IL1RAPL1: variants seen among roughly 807,000 people sequenced by gnomAD.
IL1RAPL1 encodes the protein interleukin-1 receptor accessory protein-like 1.
IL1RAPL1 carries 3 observed loss-of-function variants against 48.4 expected under a neutral mutation model. The observed-to-expected ratio is 0.06, with a 90% CI of 0.03 to 0.16. The LOEUF (loss-of-function observed/expected upper bound fraction) is 0.16. Among genes scored for constraint, IL1RAPL1 ranks in the 10% least tolerant of loss-of-function variants. The pLI is 1.00. For missense variants in IL1RAPL1, 349 were observed against 530.6 expected (o/e 0.66, Z 3.36); for synonymous variants, 185 against 187.7 (o/e 0.99, Z 0.12).
At chrX:29,028,481 T>G (rs1261028688) in intron 2 of IL1RAPL1, among the ~76,000 whole-genome samples, 1 of 108,897 alleles carries the variant, frequency 9.2e-6, no homozygotes, top group Non-Finnish European at 1.9e-5. Context: ...AGAGACGGGG[T>G]TTCACCATGT....
At chrX:29,708,450 T>C (rs1927257589) in intron 6 of IL1RAPL1, among the ~76,000 whole-genome samples, 1 of 112,196 alleles carries the variant, frequency 8.9e-6, no homozygotes, top group Non-Finnish European at 1.9e-5. Flanking sequence ...TCAACTGTTT[T>C]AGATTCTGTG....
intron 6 of IL1RAPL1, among the ~76,000 whole-genome samples, chrX:29,801,277 T>G (rs1483575036): frequency 1.8e-5 from 2 of 110,436 alleles, no homozygotes; most frequent in East Asian, 5.7e-4. Flanking sequence ...TTAACACAAT[T>G]TTGTTCTGAA....
At position 28,634,561 on chromosome X, in the gene IL1RAPL1, C is replaced by A. The variant is rs755152699; in HGVS notation, c.-25+46514C>A. Reference sequence around the variant, plus strand: ...GTCATAAATACTGTTTTTATTTTCCCCAACTCCTGCCAGGTTGAATTTCAG... The same window carrying A: ...GTCATAAATACTGTTTTTATTTTCCACAACTCCTGCCAGGTTGAATTTCAG... On this transcript the variant is annotated intron_variant, in intron 1 of 10. Transcript: ENST00000378993. Among the ~76,000 whole-genome samples the A allele has an allele frequency of 5.5e-5, 6 of 109,108 alleles. No homozygotes were observed. The East Asian group carries it at 1.7e-3, about 31-fold the overall frequency. 94.7% of individuals were successfully genotyped at this position (109,108 alleles called of 115,157 possible). A position where few individuals can be genotyped will look rare whatever the true frequency, so the allele number is the denominator to read the frequency against.
chrX:29,626,420 A>G (rs972093141), intron 5 of IL1RAPL1, among the ~76,000 whole-genome samples: 1 of 111,635 alleles, frequency 9.0e-6, no homozygotes, highest in African/African-American at 3.3e-5. Context: ...CCACATTTTT[A>G]CAAGGTGACC....
chrX:29,580,521 A>G (rs905070887), intron 5 of IL1RAPL1, among the ~76,000 whole-genome samples: 4 of 111,762 alleles, frequency 3.6e-5, no homozygotes, highest in Non-Finnish European at 7.5e-5. Context: ...TTATTGCTGC[A>G]TAATAAACTA....
At chrX:29,428,511 C>A (rs1302452856) in intron 5 of IL1RAPL1, among the ~76,000 whole-genome samples, 1 of 109,843 alleles carries the variant, frequency 9.1e-6, no homozygotes, top group African/African-American at 3.3e-5. Context: ...CCGACTGGAA[C>A]TATCATCACA....
intron 2 of IL1RAPL1, among the ~76,000 whole-genome samples, chrX:29,037,243 A>G (rs1500725): frequency 0.2 from 22,675 of 111,251 alleles, 1,794 homozygotes; most frequent in Non-Finnish European, 0.24. Context: ...GCAATTCACT[A>G]GTCTTACCTC....
intron 3 of IL1RAPL1, among the ~76,000 whole-genome samples, chrX:29,291,965 C>A (rs1932377807): frequency 8.9e-6 from 1 of 111,803 alleles, no homozygotes; most frequent in African/African-American, 3.2e-5. Context: ...GCCTCATAGA[C>A]CCTCCTAGCT....
chrX:28,744,474 C>G (rs1342416376), intron 1 of IL1RAPL1, among the ~76,000 whole-genome samples: 1 of 111,522 alleles, frequency 9.0e-6, no homozygotes, highest in Non-Finnish European at 1.9e-5. Flanking sequence ...ACATTCCTGT[C>G]AAAGCATATG....
intron 2 of IL1RAPL1, among the ~76,000 whole-genome samples, chrX:28,926,456 T>C (rs931030025): frequency 9.0e-6 from 1 of 110,543 alleles, no homozygotes; most frequent in Non-Finnish European, 1.9e-5. Context: ...ATTATTGATA[T>C]GGCACTGTAC....
chrX:29,428,858 C>T (rs1934381182), intron 5 of IL1RAPL1, among the ~76,000 whole-genome samples: 2 of 111,698 alleles, frequency 1.8e-5, no homozygotes, highest in Non-Finnish European at 3.8e-5. Context: ...AGCCCCCACT[C>T]ATACCCCTTA....
At chrX:29,393,586 AACAG>A (rs1933885524) in intron 3 of IL1RAPL1, among the ~76,000 whole-genome samples, 1 of 111,606 alleles carries the variant, frequency 9.0e-6, no homozygotes, top group African/African-American at 3.3e-5. Context: ...GATATAGTAC[AACAG>A]ACAAACAAAA....
rs1569276612 is a variant in IL1RAPL1, at chrX:29,283,086, CA to C, written c.235del (p.Ser79ValfsTer11). ...GTGCTGGACTCAGTTTGATGTGGTA[CA>C]AAAGTTCTGGTCCTGGAGACTTTGA... Reference protein sequence around the residue: ...QSAGLSLMWYKSSGPGDFEEP... With the variant: ...QSAGLSLMWYXSSGPGDFEEP... On this transcript the variant is annotated frameshift_variant, in exon 3 of 11. Coordinates refer to ENST00000378993, the MANE Select transcript of IL1RAPL1 (RefSeq NM_014271.4). LOFTEE classifies it high-confidence loss of function. 1 of 1,211,619 alleles carries C rather than the reference CA, an allele frequency of 8.3e-7. No homozygotes were observed. Among genetic ancestry groups the C allele is most frequent in the Non-Finnish European group, 1.1e-6 (1 of 895,472 alleles).
chrX:29,897,914 G>A (rs989040851), intron 6 of IL1RAPL1, among the ~76,000 whole-genome samples: 2 of 111,693 alleles, frequency 1.8e-5, no homozygotes, highest in African/African-American at 3.3e-5. Flanking sequence ...GATCTGCTGC[G>A]CTACCATGAA....
intron 2 of IL1RAPL1, among the ~76,000 whole-genome samples, chrX:29,252,239 C>A (rs999777392): frequency 9.3e-6 from 1 of 107,956 alleles, no homozygotes; most frequent in Non-Finnish European, 1.9e-5. Context: ...ACATTGTGCA[C>A]ATGTACCCTA....
intron 5 of IL1RAPL1, among the ~76,000 whole-genome samples, chrX:29,647,680 C>A (rs1244917873): frequency 9.0e-6 from 1 of 111,424 alleles, no homozygotes; most frequent in Non-Finnish European, 1.9e-5. Flanking sequence ...AGGAATCAAA[C>A]CATAGTACTA....
intron 6 of IL1RAPL1, among the ~76,000 whole-genome samples, chrX:29,819,938 T>A (rs1930574259): frequency 9.5e-6 from 1 of 104,862 alleles, no homozygotes; most frequent in African/African-American, 3.5e-5. Flanking sequence ...TGTCCACTAA[T>A]ACAGTTAAAA....
intron 5 of IL1RAPL1, among the ~76,000 whole-genome samples, chrX:29,593,671 C>T (rs915402694): frequency 1.8e-5 from 2 of 111,574 alleles, no homozygotes; most frequent in Non-Finnish European, 3.8e-5. Context: ...TTTTTTGAAC[C>T]AGCCACAATT....
intron 2 of IL1RAPL1, among the ~76,000 whole-genome samples, chrX:29,222,715 C>A (rs930764909): frequency 7.2e-5 from 8 of 111,290 alleles, no homozygotes; most frequent in African/African-American, 2.6e-4. Context: ...TGATAAGAAC[C>A]AAAAACTTAT....
Sources: gnomAD v4.1 joint callset for allele counts (sites outside exome capture counted in the v4.1 genomes callset) on GRCh38, gnomAD v4.1.1 for gene constraint, MANE v1.5 for transcripts, NCBI Gene and HGNC (gene_info 2026-07-23, HGNC 2026-07-21) for gene names.